The following NUP107 variants were observed in gnomAD, a reference collection of about 807,000 sequenced individuals.
NUP107 encodes the protein nuclear pore complex protein Nup107.
A neutral mutation model predicts 141.0 loss-of-function variants in NUP107; 101 were observed. The ratio of observed to expected loss-of-function variants is 0.72; its 90% confidence interval spans 0.61 to 0.84. The LOEUF (loss-of-function observed/expected upper bound fraction) is 0.84. Among genes scored for constraint, NUP107 ranks in the 40% least tolerant of loss-of-function variants. The pLI is 0.00. For synonymous variants in NUP107, 319 were observed against 363.9 expected, an observed-to-expected ratio of 0.88 and a Z score of 1.41; for missense variants, 941 against 1,102.7, an observed-to-expected ratio of 0.85 and a Z score of 2.08.
At chr12:68,735,783 G>C (rs1263387830) in intron 26 of NUP107, among the ~76,000 whole-genome samples, 1 of 152,140 alleles carries the variant, frequency 6.6e-6, no homozygotes, top group African/African-American at 2.4e-5. Context: ...GTCTGAGGTA[G>C]GGCTGGGGTT....
intron 21 of NUP107, 60 bp from the exon 22 acceptor site, chr12:68,731,547 T>C (rs1877827910): frequency 1.1e-6 from 1 of 917,576 alleles, no homozygotes; most frequent in South Asian, 2.0e-5. Context: ...TATGACTATT[T>C]AGAGAATATT....
Position 68,712,618 on chromosome 12 carries a change from GT to G in NUP107, c.891-1101del, listed in dbSNP as rs1364981331. Among the ~76,000 whole-genome samples the G allele has an allele frequency of 7.6e-3, 1,049 of 137,712 alleles. 11 individuals are homozygous for G. Among genetic ancestry groups the G allele is most frequent in the African/African-American group, 0.024 (924 of 37,878 alleles). 90.3% of individuals were successfully genotyped at this position (137,712 alleles called of 152,430 possible). On this transcript the variant is annotated intron_variant, in intron 10 of 27. Transcript: ENST00000229179. Reference sequence around the variant, plus strand: ...GGAAGTTTTCATTTTCAGAAAATAAGTTTTTTTTTTTGTTTTTTGTTTTTTG... The same window carrying G: ...GGAAGTTTTCATTTTCAGAAAATAAGTTTTTTTTTTGTTTTTTGTTTTTTG...
rs60681243 is a variant in NUP107, at chr12:68,743,261, A to G, written c.*799A>G. ...AAAAAAATACAAAAATTAGCCGGGCATGGTGGCAGGTGCCTGTAATCCCAG... is the reference window on the plus strand; with the variant it reads ...AAAAAAATACAAAAATTAGCCGGGCGTGGTGGCAGGTGCCTGTAATCCCAG... On this transcript the variant is annotated 3_prime_UTR_variant, in exon 28 of 28. Transcript: ENST00000229179. 3 of 152,226 alleles carry G rather than the reference A, an allele frequency of 2.0e-5. No homozygotes were observed. Among genetic ancestry groups the G allele is most frequent in the South Asian group, 2.1e-4 (1 of 4,838 alleles). The allele number at this position is 152,226 out of a possible 1,614,324, so 9.4% of individuals were successfully genotyped here. A position where few individuals can be genotyped will look rare whatever the true frequency, so the allele number is the denominator to read the frequency against.
In NUP107 at chr12:68,709,273, G is replaced by T; in HGVS notation, c.765G>T (p.Ala255=). The T allele has an allele frequency of 6.2e-7, 1 of 1,603,092 alleles. No individual in the cohort carries two copies. The highest frequency in any genetic ancestry group is 8.5e-7 in the Non-Finnish European group (1 of 1,176,606). ...VNASEKTVVE[A]LFQRDSLVRQ... ...CCAGTGAAAAAACAGTTGTGGAAGC[G>T]TTATTTCAGAGGGATTCACTTGTTC... The change falls in exon 9 of 28, where the codon GCG becomes GCT. Residue 255 remains alanine (A), a synonymous_variant. Transcript: ENST00000229179.
chr12:68,740,705 A>C (rs556421279), intron 26 of NUP107, among the ~76,000 whole-genome samples: 17 of 151,594 alleles, frequency 1.1e-4, no homozygotes, highest in African/African-American at 4.1e-4. Context: ...CTACACTATT[A>C]GTGCTATTGA....
chr12:68,719,732 T>G, intron 14 of NUP107, 78 bp downstream of exon 14: 1 of 1,014,392 alleles, frequency 9.9e-7, no homozygotes, highest in Non-Finnish European at 1.5e-6. Context: ...TGTGAAACAT[T>G]GAAAGTAGTG....
At chr12:68,691,826 C>T (rs1875801027) in intron 4 of NUP107, 142 bp from the exon 5 acceptor site, 1 of 670,884 alleles carries the variant, frequency 1.5e-6, no homozygotes, top group African/African-American at 1.9e-5. Flanking sequence ...AGATCCAGAC[C>T]TTATCTCAAG....
chr12:68,700,944 G>T, intron 7 of NUP107, 91 bp downstream of exon 7: 1 of 1,308,030 alleles, frequency 7.6e-7, no homozygotes, highest in Non-Finnish European at 1.0e-6. Flanking sequence ...GTCGTGCTTG[G>T]AAATAGGTTT....
intron 8 of NUP107, among the ~76,000 whole-genome samples, chr12:68,707,828 G>A (rs1439365973): frequency 6.6e-6 from 1 of 152,174 alleles, no homozygotes; most frequent in African/African-American, 2.4e-5. Context: ...TGGATGAGGT[G>A]GCTCATGCCT....
intron 19 of NUP107, among the ~76,000 whole-genome samples, chr12:68,726,823 G>A (rs1236051806): frequency 6.6e-6 from 1 of 152,112 alleles, no homozygotes; most frequent in Non-Finnish European, 1.5e-5. Context: ...GAATGCTGTT[G>A]GTTAACTGGT....
At position 68,742,873 on chromosome 12, in the gene NUP107, A is replaced by G. The variant is rs891421930; in HGVS notation, c.*411A>G. ...AGTATTTTTGAATATTAAAATTAAG[A>G]AGATGACTATAACAAGAATTTTTCT... On this transcript the variant is annotated 3_prime_UTR_variant, in exon 28 of 28. Transcript: ENST00000229179. 6.6e-6 allele frequency: 1 copy of G among 152,222 alleles called. No homozygotes were observed. The allele number at this position is 152,222 out of a possible 1,614,324, so 9.4% of individuals were successfully genotyped here.
chr12:68,731,391 A>G (rs1322726625), intron 21 of NUP107, 131 bp downstream of exon 21: 9 of 984,646 alleles, frequency 9.1e-6, no homozygotes, highest in Non-Finnish European at 1.3e-5. Flanking sequence ...ATTTTCAGGG[A>G]ATTTCTGTTT....
At chr12:68,731,922 GA>G (rs997971469) in intron 22 of NUP107, among the ~76,000 whole-genome samples, 3 of 151,956 alleles carry the variant, frequency 2.0e-5, no homozygotes, top group Admixed American at 6.6e-5. Flanking sequence ...TTCTTTAATA[GA>G]AAAAAATCTC....
intron 5 of NUP107, 94 bp from the exon 6 acceptor site, chr12:68,696,725 A>T: frequency 1.4e-6 from 1 of 707,722 alleles, no homozygotes; most frequent in Non-Finnish European, 2.3e-6. Flanking sequence ...AAAAATAAAT[A>T]AACAAATAAA....
chr12:68,708,729 C>T (rs1592503092), intron 8 of NUP107, among the ~76,000 whole-genome samples: 3 of 152,056 alleles, frequency 2.0e-5, no homozygotes, highest in Admixed American at 1.3e-4. Context: ...AAGTGATTCT[C>T]GTGCCTTAGC....
At chr12:68,736,419 T>G (rs1475000118) in intron 26 of NUP107, among the ~76,000 whole-genome samples, 1 of 152,178 alleles carries the variant, frequency 6.6e-6, no homozygotes, top group East Asian at 1.9e-4. Context: ...ACTTTATTTT[T>G]TCTTTTTTTG....
At chr12:68,731,042 C>T in intron 20 of NUP107, 68 bp from the exon 21 acceptor site, 1 of 1,039,168 alleles carries the variant, frequency 9.6e-7, no homozygotes, top group Non-Finnish European at 1.4e-6. Flanking sequence ...CTCCTGAATA[C>T]ATTTGAAATT....
chr12:68,704,776 G>A (rs1262071875), intron 8 of NUP107, among the ~76,000 whole-genome samples: 1 of 151,870 alleles, frequency 6.6e-6, no homozygotes, highest in African/African-American at 2.4e-5. Context: ...CATATTTGAA[G>A]CAAGTATATA....
chr12:68,689,093 C>A, intron 2 of NUP107, 40 bp downstream of exon 2: 2 of 1,487,712 alleles, frequency 1.3e-6, no homozygotes, highest in Non-Finnish European at 1.9e-6. Flanking sequence ...AAAATTGTAA[C>A]ATGTTTGGAA....
Sources: gnomAD v4.1 joint callset for allele counts (sites outside exome capture counted in the v4.1 genomes callset) on GRCh38, gnomAD v4.1.1 for gene constraint, MANE v1.5 for transcripts, NCBI Gene and HGNC (gene_info 2026-07-23, HGNC 2026-07-21) for gene names.